KCNIP4: variants seen among roughly 807,000 people sequenced by gnomAD.
KCNIP4 encodes potassium voltage-gated channel interacting protein 4, also known as Kv channel-interacting protein 4.
A neutral mutation model predicts 34.0 loss-of-function variants in KCNIP4; 12 were observed. The ratio of observed to expected loss-of-function variants is 0.35; its 90% CI spans 0.23 to 0.57. The LOEUF (loss-of-function observed/expected upper bound fraction) is 0.57. Among genes scored for constraint, KCNIP4 ranks in the 20% least tolerant of loss-of-function variants. The pLI, the probability that KCNIP4 is intolerant of heterozygous loss-of-function variation, is 0.83. For missense variants in KCNIP4, 238 were observed against 311.7 expected (o/e 0.76, Z 1.78); for synonymous variants, 124 against 102.2 (o/e 1.21, Z -1.29).
intron 1 of KCNIP4, among the ~76,000 whole-genome samples, chr4:21,741,384 C>G (rs567870585): frequency 6.6e-6 from 1 of 152,316 alleles, no homozygotes; most frequent in African/African-American, 2.4e-5. Flanking sequence ...AGGAAATGAT[C>G]TGACCTCTAT....
intron 1 of KCNIP4, among the ~76,000 whole-genome samples, chr4:21,777,576 AT>A (rs1349605254): frequency 6.6e-6 from 1 of 152,324 alleles, no homozygotes; most frequent in Admixed American, 6.5e-5. Flanking sequence ...ACACCATTAA[AT>A]GGGTAGAATA....
intron 1 of KCNIP4, among the ~76,000 whole-genome samples, chr4:21,413,884 C>A (rs1004104507): frequency 1.3e-5 from 2 of 152,148 alleles, no homozygotes; most frequent in South Asian, 4.1e-4. Context: ...TAGTCTTTCC[C>A]CCAAACCACT....
At chr4:20,976,964 G>C (rs2081086588) in intron 1 of KCNIP4, among the ~76,000 whole-genome samples, 2 of 152,126 alleles carry the variant, frequency 1.3e-5, no homozygotes, top group Admixed American at 6.5e-5. Context: ...CTCCCGAGTA[G>C]CTGGGATTAC....
chr4:21,247,774 T>TATATATATA (rs1760366126), intron 1 of KCNIP4, among the ~76,000 whole-genome samples: 1 of 70,354 alleles, frequency 1.4e-5, no homozygotes, highest in African/African-American at 9.6e-5. Flanking sequence ...CCCACAGGTG[T>TATATATATA]TTTTTATATA....
chr4:20,865,501 G>T (rs1722787198), intron 2 of KCNIP4, among the ~76,000 whole-genome samples: 1 of 151,856 alleles, frequency 6.6e-6, no homozygotes, highest in Admixed American at 6.6e-5. Flanking sequence ...TAAAGAAACT[G>T]ATATATACAA....
chr4:21,059,022 C>A (rs1743672822), intron 1 of KCNIP4, among the ~76,000 whole-genome samples: 1 of 152,116 alleles, frequency 6.6e-6, no homozygotes, highest in African/African-American at 2.4e-5. Context: ...TTCCCCTGCA[C>A]ACACTGTCTT....
At chr4:21,777,482 T>C (rs1431928424) in intron 1 of KCNIP4, among the ~76,000 whole-genome samples, 1 of 152,120 alleles carries the variant, frequency 6.6e-6, no homozygotes, top group African/African-American at 2.4e-5. Flanking sequence ...GGGACATTTT[T>C]ATACCAGATG....
At chr4:21,502,901 C>T (rs554672715) in intron 1 of KCNIP4, among the ~76,000 whole-genome samples, 51 of 152,172 alleles carry the variant, frequency 3.4e-4, no homozygotes, top group African/African-American at 1.2e-3. Context: ...ACATTTATAC[C>T]CATAGTTTGT....
rs186936999 is a variant in KCNIP4 at position 21,057,936 on chromosome 4, G to T, written c.62-175227C>A. ...GTCACACTGATTTCCAAAGAAGGAA[G>T]AAAAATTTAAAGAGTTCAGGCAATG... On this transcript the variant is annotated intron_variant, in intron 1 of 8. Transcript: ENST00000382152. 4.6e-3 allele frequency among the ~76,000 whole-genome samples: 704 copies of T among 152,236 alleles called. 4 individuals carry two copies. Among genetic ancestry groups the T allele is most frequent in the Middle Eastern group, 6.8e-3 (2 of 294 alleles).
At chr4:20,959,322 C>T (rs1234913440) in intron 1 of KCNIP4, among the ~76,000 whole-genome samples, 2 of 152,174 alleles carry the variant, frequency 1.3e-5, no homozygotes, top group Non-Finnish European at 2.9e-5. Flanking sequence ...CTATAATGTA[C>T]TTAGACAGCA....
At chr4:21,310,652 G>A (rs1268445820) in intron 1 of KCNIP4, among the ~76,000 whole-genome samples, 1 of 151,582 alleles carries the variant, frequency 6.6e-6, no homozygotes, top group East Asian at 1.9e-4. Context: ...CTTTTTTTGA[G>A]ACGGAATCTC....
intron 1 of KCNIP4, among the ~76,000 whole-genome samples, chr4:21,716,211 G>A (rs1263997216): frequency 1.3e-5 from 2 of 152,064 alleles, no homozygotes; most frequent in East Asian, 1.9e-4. Context: ...GTTTACGTAT[G>A]GGGCCAACAT....
intron 1 of KCNIP4, among the ~76,000 whole-genome samples, chr4:21,714,785 G>GATTATTTTAT (rs1714033483): frequency 2.3e-5 from 1 of 43,388 alleles, no homozygotes; most frequent in Non-Finnish European, 3.6e-5. Flanking sequence ...ATTTCCCTTT[G>GATTATTTTAT]ATTATTTTAT....
intron 1 of KCNIP4, among the ~76,000 whole-genome samples, chr4:21,913,395 GC>G (rs1728452337): frequency 6.9e-6 from 1 of 145,576 alleles, no homozygotes; most frequent in Admixed American, 6.9e-5. Context: ...TGGCTCTCTT[GC>G]CCTTCTGCCT....
chr4:21,312,843 C>T (rs1465710623), intron 1 of KCNIP4, among the ~76,000 whole-genome samples: 1 of 152,104 alleles, frequency 6.6e-6, no homozygotes, highest in East Asian at 1.9e-4. Context: ...TTGATCTGTC[C>T]CTGGAGAATC....
At chr4:21,287,081 T>A (rs1467221658) in intron 1 of KCNIP4, among the ~76,000 whole-genome samples, 3 of 151,986 alleles carry the variant, frequency 2.0e-5, no homozygotes, top group African/African-American at 7.3e-5. Flanking sequence ...GACCATAGAG[T>A]CCTCTCCCCC....
intron 2 of KCNIP4, among the ~76,000 whole-genome samples, chr4:20,866,976 G>C (rs1199083248): frequency 6.6e-6 from 1 of 151,918 alleles, no homozygotes; most frequent in Non-Finnish European, 1.5e-5. Context: ...TCCACAAGGA[G>C]AACGACAAAA....
At chr4:20,758,352 A>G (rs1754654746) in intron 4 of KCNIP4, among the ~76,000 whole-genome samples, 1 of 152,192 alleles carries the variant, frequency 6.6e-6, no homozygotes. Context: ...GAGGCTGCAG[A>G]AAATCTAGGT....
intron 3 of KCNIP4, among the ~76,000 whole-genome samples, chr4:20,777,648 G>T (rs914004372): frequency 6.6e-6 from 1 of 152,136 alleles, no homozygotes; most frequent in African/African-American, 2.4e-5. Flanking sequence ...AATTTCTGTT[G>T]TCTATAAGCC....
Sources: allele counts gnomAD v4.1 joint callset (sites outside exome capture counted in the v4.1 genomes callset), GRCh38; gene constraint gnomAD v4.1.1; transcripts MANE v1.5; gene names NCBI Gene and HGNC (gene_info 2026-07-23, HGNC 2026-07-21).